PPM1E: variants seen among roughly 807,000 people sequenced by gnomAD.
PPM1E encodes protein phosphatase, Mg2+/Mn2+ dependent 1E.
Under a neutral mutation model 65.9 loss-of-function variants are expected in PPM1E, and 20 were observed. The ratio of observed to expected loss-of-function variants is 0.30; its 90% CI spans 0.21 to 0.44. The LOEUF (loss-of-function observed/expected upper bound fraction) is 0.44, where lower values mean the gene tolerates loss of function less well. PPM1E is among the 20% of genes least tolerant of loss of function. PPM1E has a pLI of 1.00. For synonymous variants in PPM1E, 352 were observed against 374.9 expected, an observed-to-expected ratio of 0.94 and a Z score of 0.70; for missense variants, 713 against 953.1, an observed-to-expected ratio of 0.75 and a Z score of 3.32.
chr17:58,882,830 T>C (rs1480508953), intron 1 of PPM1E, among the ~76,000 whole-genome samples: 1 of 152,196 alleles, frequency 6.6e-6, no homozygotes, highest in African/African-American at 2.4e-5. Context: ...TTTATGTCTG[T>C]CATCAAAATT....
At chr17:58,785,259 G>A (rs1057298745) in intron 1 of PPM1E, 5 of 150,486 alleles carry the variant, frequency 3.3e-5, no homozygotes, top group African/African-American at 9.8e-5. Context: ...CCTGGCACTC[G>A]AATTTTTAGA....
chr17:58,935,192 A>G (rs1466261877), intron 1 of PPM1E, among the ~76,000 whole-genome samples: 1 of 151,148 alleles, frequency 6.6e-6, no homozygotes, highest in Non-Finnish European at 1.5e-5. Context: ...CGGAGGTTGC[A>G]GTGAGCTGAG....
intron 2 of PPM1E, among the ~76,000 whole-genome samples, chr17:58,960,698 G>A (rs1046241049): frequency 1.9e-4 from 28 of 150,894 alleles, no homozygotes; most frequent in African/African-American, 6.6e-4. Context: ...TTGAGGAGGC[G>A]GAGGTTCCAG....
At chr17:58,758,931 A>G (rs991108216) in intron 1 of PPM1E, among the ~76,000 whole-genome samples, 2 of 151,894 alleles carry the variant, frequency 1.3e-5, no homozygotes, top group Non-Finnish European at 2.9e-5. Context: ...TTAGCCGGGC[A>G]TGGTGGTGCA....
Position 58,756,231 on chromosome 17 carries a change from G to A in PPM1E, c.234G>A (p.Glu78=). 1 of 1,553,188 alleles carries A rather than the reference G, an allele frequency of 6.4e-7. No individual in the cohort carries two copies. Among genetic ancestry groups the A allele is most frequent in the Non-Finnish European group, 8.7e-7 (1 of 1,147,996 alleles). Residue 78 remains glutamate (E), a synonymous_variant, in exon 1 of 7, where the codon GAG becomes GAA. Transcript: ENST00000308249. The part of the protein sequence containing the change: ...EEAATVAATE[E]GDQEQDPEPE... ...CGGCCACGGTAGCCGCGACGGAGGA[G>A]GGGGACCAGGAGCAAGACCCGGAGC... is the stretch of plus-strand genomic sequence containing the variant.
chr17:58,817,548 A>T (rs868358932), intron 1 of PPM1E, among the ~76,000 whole-genome samples: 33 of 152,202 alleles, frequency 2.2e-4, no homozygotes, highest in Non-Finnish European at 5.9e-5. Context: ...AATATTAAAT[A>T]CTGATTTCTT....
At chr17:58,782,796 A>G (rs2050063380) in intron 1 of PPM1E, among the ~76,000 whole-genome samples, 1 of 152,158 alleles carries the variant, frequency 6.6e-6, no homozygotes, top group African/African-American at 2.4e-5. Context: ...ATTAAAATTA[A>G]GAATTAACAG....
rs753162691 is a variant in PPM1E, at chr17:58,980,396, C to T, written c.1633C>T (p.Arg545Cys). Residue 545 changes from arginine to cysteine, a missense_variant, in exon 7 of 7, where the codon CGT becomes TGT. Physicochemically the swap from Arg to Cys is radical, Grantham distance 180. This residue lies in a region of PPM1E where 286 missense variants were observed against 313.8 expected (regional missense o/e 0.91). Transcript: ENST00000308249. This position sits in a 1 kb window ranked among gnomAD's most constrained non-coding sequence, Gnocchi z 4.7. ...ACCAGCCGACCTAGGCTATGATGGG[C>T]GTGTGGATTCATTCACTGATAGAAC... Reference protein sequence around the residue: ...SAPADLGYDGRVDSFTDRTSL... With the variant: ...SAPADLGYDGCVDSFTDRTSL... 1 of 1,614,092 alleles carries T rather than the reference C, an allele frequency of 6.2e-7. No homozygotes were observed. The highest frequency in any genetic ancestry group is 8.5e-7 in the Non-Finnish European group (1 of 1,180,016).
chr17:58,819,731 A>G (rs1475593630), intron 1 of PPM1E, among the ~76,000 whole-genome samples: 2 of 151,940 alleles, frequency 1.3e-5, no homozygotes, highest in African/African-American at 4.8e-5. Flanking sequence ...GGGAGGTGCT[A>G]CATGCTTTTA....
Position 58,985,120 on chromosome 17 carries a change from G to A in PPM1E, c.*4089G>A, listed in dbSNP as rs2031676791. 1 of 152,626 alleles carries A rather than the reference G, an allele frequency of 6.6e-6. No homozygotes were observed. Among genetic ancestry groups the A allele is most frequent in the African/African-American group, 2.4e-5 (1 of 41,448 alleles). The allele number at this position is 152,626 out of a possible 1,614,324, so 9.5% of individuals were successfully genotyped here. A position where few individuals can be genotyped will look rare whatever the true frequency, so the allele number is the denominator to read the frequency against. ...TATTTTATTAAAAGTGTTCATTCAG[G>A]TAAGGTGTATGTTGAAATTTTGCCA... On this transcript the variant is annotated 3_prime_UTR_variant, in exon 7 of 7. Coordinates refer to ENST00000308249, the MANE Select transcript of PPM1E (RefSeq NM_014906.5).
intron 1 of PPM1E, among the ~76,000 whole-genome samples, chr17:58,933,428 A>G (rs2051929049): frequency 6.6e-6 from 1 of 152,206 alleles, no homozygotes; most frequent in South Asian, 2.1e-4. Context: ...GCCTTCTACC[A>G]TGGGGGGAAG....
At chr17:58,820,972 A>G (rs1434958267) in intron 1 of PPM1E, among the ~76,000 whole-genome samples, 1 of 152,090 alleles carries the variant, frequency 6.6e-6, no homozygotes, top group Non-Finnish European at 1.5e-5. Context: ...GAAACATTTA[A>G]TCATGGGCTT....
In PPM1E at chr17:58,984,015, A is replaced by G. The variant is rs1368990825; in HGVS notation, c.*2984A>G. 6.6e-6 allele frequency: 1 copy of G among 152,640 alleles called. No homozygotes were observed. Among genetic ancestry groups the G allele is most frequent in the Non-Finnish European group, 1.5e-5 (1 of 68,034 alleles). 9.5% of individuals were successfully genotyped at this position (152,640 alleles called of 1,614,324 possible). ...GGGACATGAGGTTAGGCAACATTAC[A>G]GCAACACACACTGGGGCTATTAATC... On this transcript the variant is annotated 3_prime_UTR_variant, in exon 7 of 7. Coordinates refer to ENST00000308249, the MANE Select transcript of PPM1E (RefSeq NM_014906.5).
intron 1 of PPM1E, among the ~76,000 whole-genome samples, chr17:58,877,022 ATCC>A (rs2051135295): frequency 6.6e-6 from 1 of 152,134 alleles, no homozygotes; most frequent in Admixed American, 6.5e-5. Context: ...TGACCTCGTG[ATCC>A]GCCCGCCTCG....
At chr17:58,894,742 TTAA>T (rs1451083616) in intron 1 of PPM1E, among the ~76,000 whole-genome samples, 1 of 152,152 alleles carries the variant, frequency 6.6e-6, no homozygotes, top group Non-Finnish European at 1.5e-5. Context: ...TTATAATTGT[TTAA>T]TGTTTTTTTA....
intron 1 of PPM1E, among the ~76,000 whole-genome samples, chr17:58,830,430 C>A (rs1471259237): frequency 6.6e-6 from 1 of 151,862 alleles, no homozygotes; most frequent in Non-Finnish European, 1.5e-5. Context: ...GCCTCAGCCT[C>A]CCGAGTAGCT....
rs918880590 is a variant in PPM1E, at chr17:58,755,913, G to A, written c.-85G>A. On this transcript the variant is annotated 5_prime_UTR_variant, in exon 1 of 7. Coordinates refer to ENST00000308249, the MANE Select transcript of PPM1E (RefSeq NM_014906.5). ...GGTGCGGCCGTTAACCGCCCTTGCC[G>A]GAGCCCTAGGCTCAAAAGCAGCCCC... The A allele has an allele frequency of 1.9e-6, 3 of 1,569,616 alleles. No individual in the cohort carries two copies. Among genetic ancestry groups the A allele is most frequent in the African/African-American group, 2.7e-5 (2 of 74,008 alleles).
chr17:58,809,598 G>C (rs2050346803), intron 1 of PPM1E, among the ~76,000 whole-genome samples: 1 of 151,980 alleles, frequency 6.6e-6, no homozygotes, highest in Non-Finnish European at 1.5e-5. Flanking sequence ...TTCCCAGACT[G>C]GTCTCAAACT....
chr17:58,951,609 A>T (rs1262424339), intron 1 of PPM1E: 1 of 149,548 alleles, frequency 6.7e-6, no homozygotes. Context: ...CAGGAGGTGG[A>T]GGTTGCAGTG....
Sources: gnomAD v4.1 joint callset for allele counts (sites outside exome capture counted in the v4.1 genomes callset) on GRCh38, gnomAD v4.1.1 for gene constraint, gnomAD v4.1.1 regional missense constraint, Gnocchi (gnomAD v3.1) non-coding constraint, MANE v1.5 for transcripts, NCBI Gene and HGNC (gene_info 2026-07-23, HGNC 2026-07-21) for gene names.